Variants in CARS2 observed in about 807,000 individuals in gnomAD.
CARS2 encodes cysteinyl-tRNA synthetase 2, mitochondrial.
Under a neutral mutation model 68.8 loss-of-function variants are expected in CARS2, and 52 were observed. That is an observed-to-expected ratio of 0.76 (90% CI 0.61 to 0.95). The LOEUF is 0.95. Ranked by LOEUF, CARS2 falls within the 40% of genes least tolerant of loss-of-function variation. CARS2 has a pLI of 0.00. For synonymous variants in CARS2, 314 were observed against 303.6 expected (o/e 1.03, Z -0.36); for missense variants, 780 against 754.2 (o/e 1.03, Z -0.40).
chr13:110,689,225 G>A (rs570060609), intron 3 of CARS2, among the ~76,000 whole-genome samples: 9 of 152,322 alleles, frequency 5.9e-5, no homozygotes, highest in African/African-American at 2.2e-4. Context: ...GAATGGAGCC[G>A]GGCATCATAA....
intron 9 of CARS2, among the ~76,000 whole-genome samples, chr13:110,652,218 CAG>C (rs1319443758): frequency 6.6e-6 from 1 of 152,278 alleles, no homozygotes; most frequent in African/African-American, 2.4e-5. Flanking sequence ...GCCCAGAGCA[CAG>C]GGGCTGACAC....
rs534465075 is a variant in CARS2 at position 110,660,102 on chromosome 13, T to C, written c.987+3349A>G. ...GCATCTTCACCAGGAGTAGATTCCA[T>C]CTCAAGAAACCACTTTCTTTGCTCA... On this transcript the variant is annotated intron_variant, in intron 9 of 14. Transcript: ENST00000257347. Among the ~76,000 whole-genome samples the C allele has an allele frequency of 2.0e-5, 3 of 152,370 alleles. No homozygotes were observed. In the East Asian group the frequency reaches 5.8e-4, roughly 29 times the overall value.
rs540074803 is a variant in CARS2 at position 110,641,867 on chromosome 13, C to T, written c.1624-259G>A. Among the ~76,000 whole-genome samples, 15 of 152,312 alleles carry T rather than the reference C, an allele frequency of 9.8e-5. 1 individual carries two copies. The highest frequency in any genetic ancestry group is 3.9e-4 in the East Asian group (2 of 5,188). ...TGCAGCCAACTTGGCCCCTCCCTCA[C>T]GGCCCTCCCACCTCATTTTTTATGG... On this transcript the variant is annotated intron_variant, in intron 14 of 14. Coordinates refer to ENST00000257347, the MANE Select transcript of CARS2 (RefSeq NM_024537.4).
At chr13:110,706,120 C>T (rs1228115226), upstream of CARS2, 2 of 1,286,536 alleles carry the variant, frequency 1.6e-6, no homozygotes, top group Non-Finnish European at 2.0e-6. Context: ...TACGACTGGG[C>T]GGAGACGGGA....
Position 110,653,868 on chromosome 13 carries a change from C to T in CARS2, c.988-2768G>A, listed in dbSNP as rs988657393. 4.6e-5 allele frequency among the ~76,000 whole-genome samples: 7 copies of T among 152,320 alleles called. No individual in the cohort carries two copies. Among genetic ancestry groups the T allele is most frequent in the African/African-American group, 1.2e-4 (5 of 41,574 alleles). On this transcript the variant is annotated intron_variant, in intron 9 of 14. Coordinates refer to ENST00000257347, the MANE Select transcript of CARS2 (RefSeq NM_024537.4). This position sits in a 1 kb window ranked among gnomAD's most constrained non-coding sequence, Gnocchi z 5.6. ...GTGCACACGGACATTAATTTTTTAG[C>T]GTGTTCCTGCTCTGTGCCGGCTGAT... is the stretch of plus-strand genomic sequence containing the variant.
In CARS2 at chr13:110,676,427, G is replaced by A. The variant is rs1413124056; in HGVS notation, c.785+547C>T. ...GCCAGGAGAGCAGTGTCGTGTGACT[G>A]AGTGGGGGCGGCAGGCAGCTGCGGT... is the stretch of plus-strand genomic sequence containing the variant. On this transcript the variant is annotated intron_variant, in intron 7 of 14. Transcript: ENST00000257347. This position sits in a 1 kb window ranked among gnomAD's most constrained non-coding sequence, Gnocchi z 4.0. Among the ~76,000 whole-genome samples the A allele has an allele frequency of 1.3e-5, 2 of 152,224 alleles. No individual in the cohort carries two copies. Among genetic ancestry groups the A allele is most frequent in the African/African-American group, 2.4e-5 (1 of 41,468 alleles).
At chr13:110,644,722 T>A in intron 12 of CARS2, 1 of 567,478 alleles carries the variant, frequency 1.8e-6, no homozygotes, top group Non-Finnish European at 2.9e-6. Context: ...GGGTGGTGAC[T>A]AGCTCATCAG....
chr13:110,679,752 A>T (rs2063102318), intron 6 of CARS2, among the ~76,000 whole-genome samples: 3 of 151,958 alleles, frequency 2.0e-5, no homozygotes, highest in Non-Finnish European at 2.9e-5. Context: ...TTATTTTAAG[A>T]TGAGCCAGGA....
upstream of CARS2, chr13:110,706,204 A>T: frequency 1.3e-6 from 1 of 758,236 alleles, no homozygotes. Flanking sequence ...CCTTGGGGCC[A>T]CGCCCACTCC....
chr13:110,705,779 A>T lies in CARS2; in HGVS notation c.224+91T>A. ...AACGGCGCCCTCCATGCAGCTTCCT[A>T]AACGCCCTCCCCGAGCCCAGATCCC... On this transcript the variant is annotated intron_variant, in intron 1 of 14. Transcript: ENST00000257347. This position sits in a 1 kb window ranked among gnomAD's most constrained non-coding sequence, Gnocchi z 4.0. 6.5e-7 allele frequency: 1 copy of T among 1,529,208 alleles called. No homozygotes were observed. Among genetic ancestry groups the T allele is most frequent in the Non-Finnish European group, 8.8e-7 (1 of 1,141,458 alleles). 94.7% of individuals were successfully genotyped at this position (1,529,208 alleles called of 1,614,324 possible).
chr13:110,671,257 A>G lies in CARS2; in HGVS notation c.786-3784T>C, dbSNP rs536887309. Among the ~76,000 whole-genome samples, 5 of 152,286 alleles carry G rather than the reference A, an allele frequency of 3.3e-5. No individual in the cohort carries two copies. In the South Asian group the frequency reaches 1.0e-3, roughly 32 times the overall value. ...CGAGAAGAGCAACTCCATGACACATAATTGTCAGATTCACCAAAGTTGAAA... is the reference window on the plus strand; with the variant it reads ...CGAGAAGAGCAACTCCATGACACATGATTGTCAGATTCACCAAAGTTGAAA... On this transcript the variant is annotated intron_variant, in intron 7 of 14. Transcript: ENST00000257347.
intron 13 of CARS2, chr13:110,642,817 C>T (rs769680816): frequency 2.1e-5 from 14 of 653,362 alleles, no homozygotes; most frequent in Admixed American, 1.4e-4. Flanking sequence ...TGAACACAAA[C>T]GCTCCCTGGC....
intron 9 of CARS2, among the ~76,000 whole-genome samples, chr13:110,651,470 A>G (rs2062212320): frequency 1.3e-5 from 2 of 152,220 alleles, no homozygotes; most frequent in Admixed American, 6.5e-5. Flanking sequence ...GAGACCAGGT[A>G]GGTGGCGGGA....
chr13:110,707,559 A>G (rs2063988991), upstream of CARS2: 1 of 152,096 alleles, frequency 6.6e-6, no homozygotes, highest in African/African-American at 2.4e-5. Context: ...AGACAAGAGA[A>G]TCGCTTGAAC....
chr13:110,695,317 T>A (rs1007473804), intron 3 of CARS2, among the ~76,000 whole-genome samples: 8 of 152,106 alleles, frequency 5.3e-5, no homozygotes, highest in Non-Finnish European at 8.8e-5. Flanking sequence ...TACAAATTTT[T>A]AAAAAATATA....
chr13:110,667,906 C>T (rs2062692825), intron 7 of CARS2, among the ~76,000 whole-genome samples: 1 of 152,192 alleles, frequency 6.6e-6, no homozygotes, highest in Non-Finnish European at 1.5e-5. Context: ...CAAAGCAACA[C>T]AGGTTGCCAT....
At chr13:110,689,374 C>T (rs1346235745) in intron 3 of CARS2, among the ~76,000 whole-genome samples, 1 of 152,240 alleles carries the variant, frequency 6.6e-6, no homozygotes, top group Non-Finnish European at 1.5e-5. Context: ...CTCTAGAATA[C>T]TGAGAAACTT....
chr13:110,641,499 C>T lies in CARS2; in HGVS notation c.*38G>A, dbSNP rs369202974. On this transcript the variant is annotated 3_prime_UTR_variant, in exon 15 of 15. Transcript: ENST00000257347. ...GCCTTGACCCTGAGAAGCATGGGTGCGTCTTGTCGTGAGCAGGTTCATGGC... is the reference window on the plus strand; with the variant it reads ...GCCTTGACCCTGAGAAGCATGGGTGTGTCTTGTCGTGAGCAGGTTCATGGC... 183 of 1,512,752 alleles carry T rather than the reference C, an allele frequency of 1.2e-4. No individual in the cohort carries two copies. The highest frequency in any genetic ancestry group is 1.4e-4 in the Non-Finnish European group (156 of 1,087,582). The allele number at this position is 1,512,752 out of a possible 1,614,324, so 93.7% of individuals were successfully genotyped here. A position where few individuals can be genotyped will look rare whatever the true frequency, so the allele number is the denominator to read the frequency against.
At chr13:110,646,342 G>T (rs1888115638) in intron 11 of CARS2, 2 of 372,524 alleles carry the variant, frequency 5.4e-6, no homozygotes, top group Non-Finnish European at 9.6e-6. Context: ...AGACACACGT[G>T]GGCATTTTCA....
Sources: allele counts gnomAD v4.1 joint callset (sites outside exome capture counted in the v4.1 genomes callset), GRCh38; gene constraint gnomAD v4.1.1; non-coding constraint Gnocchi (gnomAD v3.1); transcripts MANE v1.5; gene names NCBI Gene and HGNC (gene_info 2026-07-23, HGNC 2026-07-21).